The following STARD3NL variants were observed in gnomAD, a reference collection of about 807,000 sequenced individuals.
The protein encoded by STARD3NL is STARD3 N-terminal-like protein.
A neutral mutation model predicts 30.9 loss-of-function variants in STARD3NL; 17 were observed. The observed-to-expected ratio is 0.55, with a 90% CI of 0.38 to 0.82. The LOEUF (loss-of-function observed/expected upper bound fraction) is 0.82, where lower values mean the gene tolerates loss of function less well. STARD3NL is among the 40% of genes least tolerant of loss of function. STARD3NL has a pLI of 0.00. For synonymous variants in STARD3NL, 112 were observed against 100.5 expected, an observed-to-expected ratio of 1.11 and a Z score of -0.69; for missense variants, 234 against 277.6, an observed-to-expected ratio of 0.84 and a Z score of 1.12.
At chr7:38,197,497 C>G (rs369435500) in intron 1 of STARD3NL, among the ~76,000 whole-genome samples, 33 of 152,116 alleles carry the variant, frequency 2.2e-4, no homozygotes, top group Admixed American at 9.8e-4. Context: ...GCCACTGTGC[C>G]CAGCCACTTG....
intron 2 of STARD3NL, among the ~76,000 whole-genome samples, chr7:38,213,780 G>A (rs948099083): frequency 3.3e-5 from 5 of 152,196 alleles, no homozygotes; most frequent in African/African-American, 7.2e-5. Flanking sequence ...TTTGAGTCTA[G>A]TACTGTCCTT....
chr7:38,207,708 A>G lies in STARD3NL; in HGVS notation c.204A>G (p.Leu68=). Residue 68 remains leucine, a synonymous_variant, in exon 2 of 9, where the codon TTA becomes TTG. Transcript: ENST00000009041. ...FVTFDLLFVT[L]LWIIELNVNG... ...CCTTTGACCTCTTATTCGTAACATT[A>G]CTGTGGATAATAGAGTTAAATGTAA... is the stretch of plus-strand genomic sequence containing the variant. 1 of 1,614,018 alleles carries G rather than the reference A, an allele frequency of 6.2e-7. No homozygotes were observed. The highest frequency in any genetic ancestry group is 8.5e-7 in the Non-Finnish European group (1 of 1,179,930).
At chr7:38,214,893 GTC>G (rs1786011220) in intron 3 of STARD3NL, 133 bp from the exon 4 acceptor site, 1 of 705,982 alleles carries the variant, frequency 1.4e-6, no homozygotes, top group Non-Finnish European at 2.4e-6. Flanking sequence ...CCAAATGCTG[GTC>G]TACAGACCAG....
chr7:38,189,762 T>C (rs1220881328), intron 1 of STARD3NL, among the ~76,000 whole-genome samples: 10 of 152,188 alleles, frequency 6.6e-5, no homozygotes, highest in Admixed American at 6.5e-4. Flanking sequence ...TGTGTTTAGG[T>C]AATTTGATAG....
intron 2 of STARD3NL, among the ~76,000 whole-genome samples, chr7:38,210,931 T>TAAGTTCTC (rs1490869565): frequency 6.6e-6 from 1 of 152,208 alleles, no homozygotes; most frequent in Non-Finnish European, 1.5e-5. Flanking sequence ...AGCTGTTTAA[T>TAAGTTCTC]AAGTTCTCTG....
intron 2 of STARD3NL, among the ~76,000 whole-genome samples, chr7:38,210,705 G>A (rs915099321): frequency 5.9e-5 from 9 of 152,180 alleles, no homozygotes; most frequent in Non-Finnish European, 1.2e-4. Flanking sequence ...CCTACACTCT[G>A]TAGACAGTGT....
intron 7 of STARD3NL, among the ~76,000 whole-genome samples, chr7:38,227,242 C>A (rs1786823186): frequency 6.6e-6 from 1 of 152,174 alleles, no homozygotes; most frequent in Non-Finnish European, 1.5e-5. Flanking sequence ...TGCCACTGGC[C>A]TAGCAGATTG....
chr7:38,180,412 T>G (rs1029726084), intron 1 of STARD3NL, among the ~76,000 whole-genome samples: 1 of 152,226 alleles, frequency 6.6e-6, no homozygotes, highest in African/African-American at 2.4e-5. Context: ...TGGCAGTTGG[T>G]CCCTGCTCTT....
chr7:38,220,121 C>A (rs1433953879), intron 7 of STARD3NL, among the ~76,000 whole-genome samples: 1 of 152,148 alleles, frequency 6.6e-6, no homozygotes, highest in Non-Finnish European at 1.5e-5. Context: ...TTTCTACCTC[C>A]ATTTTCTCAT....
chr7:38,230,153 G>C lies in STARD3NL; in HGVS notation c.*248G>C, dbSNP rs955579305. ...GATTCATCCTCTCTTCAGTGAGACT[G>C]AGCCTGATGTGTTAACAAATAGGTG... On this transcript the variant is annotated 3_prime_UTR_variant, in exon 9 of 9. Transcript: ENST00000009041. 1 of 152,648 alleles carries C rather than the reference G, an allele frequency of 6.6e-6. No homozygotes were observed. The highest frequency in any genetic ancestry group is 2.4e-5 in the African/African-American group (1 of 41,448). 9.5% of individuals were successfully genotyped at this position (152,648 alleles called of 1,614,324 possible).
intron 1 of STARD3NL, among the ~76,000 whole-genome samples, chr7:38,191,350 A>G (rs1784678032): frequency 6.6e-6 from 1 of 152,180 alleles, no homozygotes; most frequent in African/African-American, 2.4e-5. Flanking sequence ...TACTGTCATT[A>G]TTCATTTTTA....
At chr7:38,219,688 T>C (rs1786338543) in intron 7 of STARD3NL, 28 bp downstream of exon 7, 1 of 1,576,122 alleles carries the variant, frequency 6.3e-7, no homozygotes. Flanking sequence ...TATTTGTGCT[T>C]GTATCTCTCA....
At chr7:38,209,653 T>G (rs2116268355) in intron 2 of STARD3NL, among the ~76,000 whole-genome samples, 1 of 152,290 alleles carries the variant, frequency 6.6e-6, no homozygotes, top group Middle Eastern at 3.4e-3. Flanking sequence ...TATTTTAACG[T>G]CAACAGCAAG....
At chr7:38,199,965 G>T (rs552729810) in intron 1 of STARD3NL, among the ~76,000 whole-genome samples, 4 of 152,174 alleles carry the variant, frequency 2.6e-5, no homozygotes, top group African/African-American at 9.7e-5. Flanking sequence ...GCAGCCACGG[G>T]CTTTGCTGGG....
At chr7:38,186,407 G>T (rs1288018120) in intron 1 of STARD3NL, among the ~76,000 whole-genome samples, 1 of 152,154 alleles carries the variant, frequency 6.6e-6, no homozygotes, top group Non-Finnish European at 1.5e-5. Flanking sequence ...GCAGTATTTT[G>T]TACTTGTGGA....
At chr7:38,194,098 A>G (rs1216297358) in intron 1 of STARD3NL, among the ~76,000 whole-genome samples, 1 of 152,122 alleles carries the variant, frequency 6.6e-6, no homozygotes, top group East Asian at 1.9e-4. Flanking sequence ...TATTCTATTC[A>G]GGTCATTTGC....
intron 1 of STARD3NL, among the ~76,000 whole-genome samples, chr7:38,181,168 A>G (rs1249181010): frequency 6.6e-6 from 1 of 152,220 alleles, no homozygotes; most frequent in Non-Finnish European, 1.5e-5. Context: ...CTGTGGTTTA[A>G]AAATGACTTT....
intron 1 of STARD3NL, among the ~76,000 whole-genome samples, chr7:38,180,250 A>G (rs1161294904): frequency 6.6e-6 from 1 of 152,218 alleles, no homozygotes; most frequent in East Asian, 1.9e-4. Context: ...TTCCTTCAGC[A>G]CCTTATCCGA....
At chr7:38,210,213 A>C (rs994362432) in intron 2 of STARD3NL, among the ~76,000 whole-genome samples, 2 of 152,184 alleles carry the variant, frequency 1.3e-5, no homozygotes, top group African/African-American at 4.8e-5. Context: ...AGGTGTTGCA[A>C]GCTCTACCAA....
Sources: gnomAD v4.1 joint callset for allele counts (sites outside exome capture counted in the v4.1 genomes callset) on GRCh38, gnomAD v4.1.1 for gene constraint, MANE v1.5 for transcripts, NCBI Gene and HGNC (gene_info 2026-07-23, HGNC 2026-07-21) for gene names.